The following KTN1 variants were observed in gnomAD, a reference collection of about 807,000 sequenced individuals.
KTN1 encodes the protein kinectin.
KTN1 carries 130 observed loss-of-function variants against 222.5 expected under a neutral mutation model. That is an observed-to-expected ratio of 0.58 (90% CI 0.51 to 0.68). The LOEUF is 0.68. Among genes scored for constraint, KTN1 ranks in the 30% least tolerant of loss-of-function variants. The pLI is 0.00. For missense variants in KTN1, 1,508 were observed against 1,500.4 expected (o/e 1.01, Z -0.08); for synonymous variants, 512 against 496.3 (o/e 1.03, Z -0.42).
intron 1 of KTN1, among the ~76,000 whole-genome samples, chr14:55,581,793 A>C (rs2031715761): frequency 6.7e-6 from 1 of 150,110 alleles, no homozygotes; most frequent in Non-Finnish European, 1.5e-5. Flanking sequence ...GACTTGGGAT[A>C]ATGATCCCAA....
At chr14:55,642,691 G>C (rs1028709655) in intron 18 of KTN1, among the ~76,000 whole-genome samples, 3 of 152,170 alleles carry the variant, frequency 2.0e-5, no homozygotes, top group African/African-American at 4.8e-5. Context: ...CATTTATGCA[G>C]ATATTGAGCT....
In KTN1 at chr14:55,637,269, G is replaced by T. The variant is rs111327763; in HGVS notation, c.1621G>T (p.Val541Leu). ...SLHSKLTDTLVSKQQLEQRLM... is the reference protein window; with the variant it reads ...SLHSKLTDTLLSKQQLEQRLM... ...GCATAGTAAGCTTACAGATACCTTG[G>T]TATCAAAACAACAGTTGGAGCAAAG... Residue 541 changes from valine to leucine, a missense_variant, in exon 11 of 44, where the codon GTA (valine) becomes TTA (leucine). By Grantham distance (32) the Val-to-Leu change is conservative. Coordinates refer to ENST00000395314, the MANE Select transcript of KTN1 (RefSeq NM_001079521.2). 40 of 1,611,582 alleles carry T rather than the reference G, an allele frequency of 2.5e-5. No individual in the cohort carries two copies. The highest frequency in any genetic ancestry group is 3.3e-5 in the Non-Finnish European group (39 of 1,178,244).
At chr14:55,587,593 C>T (rs74412558) in intron 1 of KTN1, among the ~76,000 whole-genome samples, 9,187 of 152,220 alleles carry the variant, frequency 0.06, 381 homozygotes, top group South Asian at 0.09. Flanking sequence ...CACTTACGTG[C>T]CACCAACCTG....
chr14:55,644,291 A>G, intron 18 of KTN1: 5 of 635,384 alleles, frequency 7.9e-6, no homozygotes, highest in African/African-American at 1.8e-5. Context: ...CAGTTGAGAG[A>G]TTGAACAGTT....
At position 55,673,165 on chromosome 14, in the gene KTN1, A is replaced by G. The variant is rs763034759; in HGVS notation, c.3688-7A>G. 3.7e-6 allele frequency: 6 copies of G among 1,610,200 alleles called. No individual in the cohort carries two copies. The highest frequency in any genetic ancestry group is 5.1e-6 in the Non-Finnish European group (6 of 1,176,826). On this transcript the variant is annotated splice_region_variant and splice_polypyrimidine_tract_variant and intron_variant, in intron 39 of 43. Coordinates refer to ENST00000395314, the MANE Select transcript of KTN1 (RefSeq NM_001079521.2). ...AGATCAATCTTAAACTCTAAACTTC[A>G]TTGCAGCTGAAAGATCTGTTGACTG...
intron 1 of KTN1, among the ~76,000 whole-genome samples, chr14:55,581,044 C>T (rs1256306960): frequency 2.6e-5 from 4 of 152,252 alleles, no homozygotes; most frequent in Non-Finnish European, 4.4e-5. Context: ...CCTTCCTGTC[C>T]CCGAGGGGTG....
At chr14:55,586,280 T>TA (rs2032973832) in intron 1 of KTN1, among the ~76,000 whole-genome samples, 1 of 152,216 alleles carries the variant, frequency 6.6e-6, no homozygotes, top group South Asian at 2.1e-4. Flanking sequence ...CAGTACCACT[T>TA]ACTGCATGTG....
At chr14:55,635,537 G>A (rs1345887391) in intron 9 of KTN1, among the ~76,000 whole-genome samples, 1 of 152,142 alleles carries the variant, frequency 6.6e-6, no homozygotes, top group Non-Finnish European at 1.5e-5. Context: ...ATCTTTAGAC[G>A]CCAGAGTGTC....
chr14:55,653,154 G>C, intron 27 of KTN1, 69 bp downstream of exon 27: 2 of 1,033,800 alleles, frequency 1.9e-6, no homozygotes, highest in Non-Finnish European at 3.0e-6. Context: ...GCATTAGAAA[G>C]TAAAGATGTT....
chr14:55,624,463 T>G (rs1199626076), intron 5 of KTN1, among the ~76,000 whole-genome samples: 1 of 151,994 alleles, frequency 6.6e-6, no homozygotes, highest in African/African-American at 2.4e-5. Flanking sequence ...TTGTAGAGAG[T>G]AGAGGATTGA....
chr14:55,644,168 C>T (rs539120222), intron 18 of KTN1: 29 of 424,200 alleles, frequency 6.8e-5, no homozygotes, highest in African/African-American at 4.7e-4. Context: ...TTCCTCTAGT[C>T]GTTTTTATTG....
At chr14:55,653,358 T>G (rs966951498) in intron 27 of KTN1, among the ~76,000 whole-genome samples, 1 of 152,204 alleles carries the variant, frequency 6.6e-6, no homozygotes, top group Non-Finnish European at 1.5e-5. Flanking sequence ...TTTAAAGTAT[T>G]AGTCTTTAAT....
At chr14:55,590,005 C>G (rs1358081736) in intron 1 of KTN1, among the ~76,000 whole-genome samples, 1 of 151,752 alleles carries the variant, frequency 6.6e-6, no homozygotes, top group Non-Finnish European at 1.5e-5. Context: ...AAAAACAAAA[C>G]AAAACAAAAA....
intron 40 of KTN1, chr14:55,675,549 A>G (rs2045821270): frequency 3.8e-6 from 1 of 263,370 alleles, no homozygotes. Flanking sequence ...TGTTATAAAT[A>G]GTGATATCTT....
intron 5 of KTN1, among the ~76,000 whole-genome samples, chr14:55,625,148 T>C (rs184350030): frequency 6.2e-4 from 95 of 152,258 alleles, no homozygotes; most frequent in African/African-American, 2.1e-3. Context: ...CTTGCAGCTT[T>C]GTGGCCTTAG....
chr14:55,631,850 A>G lies in KTN1; in HGVS notation c.1222-1385A>G, dbSNP rs191718179. On this transcript the variant is annotated intron_variant, in intron 7 of 43. Transcript: ENST00000395314. ...CAATTCTTAGACATGTCTTTAGTTT[A>G]TTATTACATACTGGGATAATTATGG... Among the ~76,000 whole-genome samples the G allele has an allele frequency of 2.0e-5, 3 of 152,248 alleles. No individual in the cohort carries two copies. In the East Asian group the frequency reaches 5.8e-4, roughly 29 times the overall value.
intron 7 of KTN1, among the ~76,000 whole-genome samples, chr14:55,632,731 A>T (rs1416326590): frequency 1.3e-5 from 2 of 152,184 alleles, no homozygotes; most frequent in Non-Finnish European, 2.9e-5. Flanking sequence ...TGGAAAAAAA[A>T]TTAAGAGGTC....
intron 1 of KTN1, among the ~76,000 whole-genome samples, chr14:55,586,339 TACCTC>T (rs1034935966): frequency 2.0e-5 from 3 of 152,216 alleles, no homozygotes; most frequent in Admixed American, 2.0e-4. Context: ...GGAATTATCT[TACCTC>T]AGTAGTTGCC....
chr14:55,663,917 A>G (rs1306606854), intron 32 of KTN1, 38 bp from the exon 33 acceptor site: 11 of 1,500,378 alleles, frequency 7.3e-6, no homozygotes, highest in East Asian at 2.3e-5. Context: ...TCTTTCAATA[A>G]TGGATAAACT....
Sources: gnomAD v4.1 joint callset for allele counts (sites outside exome capture counted in the v4.1 genomes callset) on GRCh38, gnomAD v4.1.1 for gene constraint, MANE v1.5 for transcripts, NCBI Gene and HGNC (gene_info 2026-07-23, HGNC 2026-07-21) for gene names.